ADK: variants seen among roughly 807,000 people sequenced by gnomAD.
The protein encoded by ADK is N6,N6-dimethyladenosine kinase.
Under a neutral mutation model 44.7 loss-of-function variants are expected in ADK, and 24 were observed. The observed-to-expected ratio is 0.54, with a 90% CI of 0.39 to 0.76. The LOEUF (loss-of-function observed/expected upper bound fraction) is 0.76. Among genes scored for constraint, ADK ranks in the 30% least tolerant of loss-of-function variants. ADK has a pLI of 0.00. For synonymous variants in ADK, 128 were observed against 142.6 expected (o/e 0.90, Z 0.73); for missense variants, 321 against 425.1 (o/e 0.76, Z 2.15).
chr10:74,388,590 T>A (rs946354150), intron 4 of ADK, among the ~76,000 whole-genome samples: 1 of 152,206 alleles, frequency 6.6e-6, no homozygotes, highest in Non-Finnish European at 1.5e-5. Flanking sequence ...TGGTTAAATG[T>A]GTTCCTACAT....
intron 6 of ADK, among the ~76,000 whole-genome samples, chr10:74,465,094 CAG>C (rs2133262954): frequency 6.6e-6 from 1 of 151,978 alleles, no homozygotes. Flanking sequence ...AAAAATAAAA[CAG>C]AAAAGAGTGT....
At chr10:74,343,454 T>A (rs1841654335) in intron 4 of ADK, among the ~76,000 whole-genome samples, 2 of 152,140 alleles carry the variant, frequency 1.3e-5, no homozygotes, top group Admixed American at 6.5e-5. Flanking sequence ...GTCATCATTG[T>A]CTTCATGTTG....
intron 6 of ADK, among the ~76,000 whole-genome samples, chr10:74,463,404 C>G (rs1846239197): frequency 6.6e-6 from 1 of 152,156 alleles, no homozygotes. Context: ...AGTGACAGAT[C>G]ATCAGGCACT....
At chr10:74,361,106 A>G (rs1032795755) in intron 4 of ADK, among the ~76,000 whole-genome samples, 8 of 152,206 alleles carry the variant, frequency 5.3e-5, no homozygotes, top group African/African-American at 7.2e-5. Flanking sequence ...CGGTTTCACT[A>G]TGTTGGCCAG....
chr10:74,576,467 G>A (rs1369219445), intron 7 of ADK, among the ~76,000 whole-genome samples: 1 of 151,966 alleles, frequency 6.6e-6, no homozygotes, highest in Non-Finnish European at 1.5e-5. Context: ...AAGAATAAAA[G>A]GGAATTAATA....
intron 2 of ADK, among the ~76,000 whole-genome samples, chr10:74,223,317 A>G (rs1844397758): frequency 6.6e-6 from 1 of 152,086 alleles, no homozygotes; most frequent in African/African-American, 2.4e-5. Flanking sequence ...CCATGAATGG[A>G]TTAATCCATT....
intron 4 of ADK, among the ~76,000 whole-genome samples, chr10:74,387,379 T>C (rs1843181499): frequency 6.6e-6 from 1 of 152,170 alleles, no homozygotes; most frequent in Non-Finnish European, 1.5e-5. Context: ...GATTCCAAGA[T>C]TTGAGAATTT....
At chr10:74,592,305 A>C (rs765850791) in intron 8 of ADK, among the ~76,000 whole-genome samples, 11 of 152,150 alleles carry the variant, frequency 7.2e-5, no homozygotes, top group Non-Finnish European at 1.6e-4. Context: ...GTGTGTTTTT[A>C]AATCTAGCTT....
At chr10:74,601,009 C>T (rs1246224877) in intron 9 of ADK, among the ~76,000 whole-genome samples, 2 of 151,590 alleles carry the variant, frequency 1.3e-5, no homozygotes, top group Admixed American at 1.3e-4. Context: ...TATGGAGCTA[C>T]CCACTATTAA....
At chr10:74,672,429 C>T (rs1483101428) in intron 10 of ADK, among the ~76,000 whole-genome samples, 1 of 152,144 alleles carries the variant, frequency 6.6e-6, no homozygotes. Flanking sequence ...AGCTTCCTCA[C>T]TTTATTCATT....
chr10:74,636,015 G>A (rs1436143904), intron 9 of ADK, among the ~76,000 whole-genome samples: 3 of 151,802 alleles, frequency 2.0e-5, no homozygotes, highest in African/African-American at 7.3e-5. Context: ...TGGAGCCCAG[G>A]AGTTCAAGGC....
intron 9 of ADK, among the ~76,000 whole-genome samples, chr10:74,603,634 C>T (rs1852220087): frequency 6.6e-6 from 1 of 152,160 alleles, no homozygotes; most frequent in African/African-American, 2.4e-5. Flanking sequence ...ATATGTGCCA[C>T]ATTTTCTTTA....
intron 4 of ADK, among the ~76,000 whole-genome samples, chr10:74,348,930 A>G (rs1334250189): frequency 1.3e-5 from 2 of 152,148 alleles, no homozygotes; most frequent in Non-Finnish European, 2.9e-5. Flanking sequence ...GACCAAACCT[A>G]TGATTGATTG....
chr10:74,229,158 A>G (rs1844654375), intron 3 of ADK, among the ~76,000 whole-genome samples: 1 of 152,200 alleles, frequency 6.6e-6, no homozygotes, highest in Admixed American at 6.5e-5. Context: ...TGTGATATTT[A>G]AATGCTTGCC....
intron 7 of ADK, among the ~76,000 whole-genome samples, chr10:74,571,658 A>G (rs1270070625): frequency 1.3e-5 from 2 of 151,986 alleles, no homozygotes; most frequent in Non-Finnish European, 2.9e-5. Context: ...TATTGCGTCT[A>G]TTTGATTCTT....
intron 6 of ADK, among the ~76,000 whole-genome samples, chr10:74,400,556 C>T (rs1333869550): frequency 6.6e-6 from 1 of 152,130 alleles, no homozygotes; most frequent in Non-Finnish European, 1.5e-5. Context: ...CAGAGCATTC[C>T]GAAATGATGT....
chr10:74,309,077 A>C (rs763737276), intron 3 of ADK, among the ~76,000 whole-genome samples: 1 of 152,140 alleles, frequency 6.6e-6, no homozygotes, highest in South Asian at 2.1e-4. Context: ...GGGTATAATC[A>C]TGAAGTCTTT....
At chr10:74,552,898 C>T (rs1313404797) in intron 7 of ADK, among the ~76,000 whole-genome samples, 3 of 152,144 alleles carry the variant, frequency 2.0e-5, no homozygotes, top group Non-Finnish European at 4.4e-5. Flanking sequence ...CACTCATCCA[C>T]TTGAATGGTT....
chr10:74,422,925 G>A (rs749115974), intron 6 of ADK, among the ~76,000 whole-genome samples: 1 of 152,168 alleles, frequency 6.6e-6, no homozygotes, highest in Non-Finnish European at 1.5e-5. Flanking sequence ...TAGGAGTGGG[G>A]AGGGGGCTGC....
Sources: allele counts gnomAD v4.1 joint callset (sites outside exome capture counted in the v4.1 genomes callset), GRCh38; gene constraint gnomAD v4.1.1; transcripts MANE v1.5; gene names NCBI Gene and HGNC (gene_info 2026-07-23, HGNC 2026-07-21).